SYT8: variants seen among roughly 807,000 people sequenced by gnomAD.
SYT8 encodes synaptotagmin-8.
A neutral mutation model predicts 34.9 loss-of-function variants in SYT8; 50 were observed. The ratio of observed to expected loss-of-function variants is 1.43; its 90% CI spans 1.14 to 1.81. The LOEUF (loss-of-function observed/expected upper bound fraction) is 1.81. SYT8 is among the 40% of genes most tolerant of loss of function. SYT8 has a pLI of 0.00. For missense variants in SYT8, 595 were observed against 529.0 expected, an observed-to-expected ratio of 1.12 and a Z score of -1.22; for synonymous variants, 255 against 234.2, an observed-to-expected ratio of 1.09 and a Z score of -0.81.
chr11:1,837,145 T>A, intron 7 of SYT8, 47 bp from the exon 8 acceptor site: 3 of 1,599,256 alleles, frequency 1.9e-6, no homozygotes, highest in Non-Finnish European at 2.6e-6. Context: ...CCACGATGAC[T>A]GTGGTCTTTC....
chr11:1,835,724 T>A (rs1378307370), intron 2 of SYT8, 162 bp from the exon 3 acceptor site: 1 of 774,742 alleles, frequency 1.3e-6, no homozygotes. Context: ...TGGGTGGGTT[T>A]GGCCGGTCTC....
At chr11:1,835,548 G>T in intron 2 of SYT8, 89 bp downstream of exon 2, 2 of 1,493,632 alleles carry the variant, frequency 1.3e-6, no homozygotes, top group African/African-American at 1.4e-5. Flanking sequence ...TTCAGCCCCA[G>T]GGATGGTTTA....
chr11:1,834,802 G>T, upstream of SYT8: 1 of 686,628 alleles, frequency 1.5e-6, no homozygotes, highest in East Asian at 2.7e-5. This position sits in a 1 kb window ranked among gnomAD's most constrained non-coding sequence, Gnocchi z 4.5. Flanking sequence ...GTCCGGTGAA[G>T]GCAGGGACTA....
At chr11:1,832,339 G>C (rs893708248), upstream of SYT8, among the ~76,000 whole-genome samples, 6 of 152,202 alleles carry the variant, frequency 3.9e-5, no homozygotes, top group African/African-American at 1.4e-4. Context: ...TAAGGAGCCC[G>C]CTGGAGCGGT....
chr11:1,834,686 AC>A (rs1565050201), upstream of SYT8: 7 of 1,440,596 alleles, frequency 4.9e-6, no homozygotes, highest in Non-Finnish European at 6.7e-6. The surrounding 1 kb of genome is among the most constrained non-coding windows in gnomAD (Gnocchi z 4.5). Context: ...ATGAGATGGG[AC>A]CCCCAGGCAG....
chr11:1,834,276 C>T (rs140679682), upstream of SYT8: 431 of 525,374 alleles, frequency 8.2e-4, 3 homozygotes, highest in African/African-American at 7.0e-3. This position sits in a 1 kb window ranked among gnomAD's most constrained non-coding sequence, Gnocchi z 4.5. Flanking sequence ...CAGCTGCGCC[C>T]GCCCCACCTT....
rs758788036 is a variant in SYT8, at chr11:1,836,762, C to A, written c.691C>A (p.Gln231Lys). ...LGPPAATQPE[Q>K]VGELCFSLRY... ...CCCCTCTTGCTGCCCACAGCCCGAG[C>A]AGGTCGGGGAGCTGTGCTTCTCTCT... The change falls in exon 6 of 8, where the codon CAG becomes AAG. Residue 231 changes from glutamine to lysine, a missense_variant. Gln to Lys is a moderately conservative substitution (Grantham distance 53, BLOSUM62 1). Transcript: ENST00000341958. 1 of 1,609,154 alleles carries A rather than the reference C, an allele frequency of 6.2e-7. No individual in the cohort carries two copies. Among genetic ancestry groups the A allele is most frequent in the Non-Finnish European group, 8.5e-7 (1 of 1,179,710 alleles).
In SYT8 at chr11:1,837,180, GTC is replaced by G; in HGVS notation, c.925-8_925-7del. 6.3e-7 allele frequency: 1 copy of G among 1,580,570 alleles called. No homozygotes were observed. Among genetic ancestry groups the G allele is most frequent in the South Asian group, 1.2e-5 (1 of 86,794 alleles). ...CTCCCCCAACTCCAACCTCTGGCCT[GTC>G]TCTGCACAGAATGTGGACCTGGTGC... On this transcript the variant is annotated splice_polypyrimidine_tract_variant and intron_variant, in intron 7 of 7. Transcript: ENST00000341958.
In SYT8 at chr11:1,836,227, G is replaced by C; in HGVS notation, c.459G>C (p.Glu153Asp). Residue 153 changes from glutamate to aspartate, a missense_variant, in exon 4 of 8, where the codon GAG (glutamate) becomes GAC (aspartate). Coordinates refer to ENST00000341958, the MANE Select transcript of SYT8 (RefSeq NM_001394072.1). ...CCACCCAGGCCGGACACAGACATGA[G>C]ACAAAAGTGCACCGAGGCACGCTCT... ...SVSTQAGHRH[E>D]TKVHRGTLCP... The C allele has an allele frequency of 6.3e-7, 1 of 1,595,146 alleles. No homozygotes were observed. The highest frequency in any genetic ancestry group is 1.7e-5 in the Admixed American group (1 of 57,512).
rs913377230 is a variant in SYT8 at position 1,837,496 on chromosome 11, A to G, written c.*65A>G. ...CTTGCCCAGGCCGCCCTGCAGGACC[A>G]CTGCAATAAACGCCTTCTCCTGCCA... On this transcript the variant is annotated 3_prime_UTR_variant, in exon 8 of 8. Transcript: ENST00000341958. 5.7e-6 allele frequency: 9 copies of G among 1,566,398 alleles called. No homozygotes were observed. Among genetic ancestry groups the G allele is most frequent in the Non-Finnish European group, 7.8e-6 (9 of 1,160,038 alleles).
In SYT8 at chr11:1,836,067, G is replaced by C. The variant is rs772889361; in HGVS notation, c.358-59G>C. 2.6e-6 allele frequency: 4 copies of C among 1,560,038 alleles called. 1 individual carries two copies. The South Asian group carries it at 3.6e-5, about 14-fold the overall frequency. On this transcript the variant is annotated intron_variant, in intron 3 of 7. Transcript: ENST00000341958. ...GGGGAAGGGCAGACCCCATGCCCTGGGTGGTGGGGAGCTGACAGGGCAGGG... is the reference window on the plus strand; with the variant it reads ...GGGGAAGGGCAGACCCCATGCCCTGCGTGGTGGGGAGCTGACAGGGCAGGG...
Position 1,836,440 on chromosome 11 carries a change from C to G in SYT8, c.532C>G (p.Leu178Val), listed in dbSNP as rs754779631. 5.4e-5 allele frequency: 86 copies of G among 1,578,032 alleles called. No individual in the cohort carries two copies. Among genetic ancestry groups the G allele is most frequent in the Non-Finnish European group, 7.3e-5 (85 of 1,163,924 alleles). The change falls in exon 5 of 8, where the codon CTG (leucine) becomes GTG (valine). Residue 178 changes from leucine (L) to valine (V), a missense_variant. Physicochemically the swap from Leu to Val is conservative, Grantham distance 32. Transcript: ENST00000341958. ...GCTGCCTCAGATCCCGCAGGCGGAGCTGCCAGGGGCCACCCTGCAGGTGCA... is the reference window on the plus strand; with the variant it reads ...GCTGCCTCAGATCCCGCAGGCGGAGGTGCCAGGGGCCACCCTGCAGGTGCA... ...TCCFHIPQAELPGATLQVQLF... is the reference protein window; with the variant it reads ...TCCFHIPQAEVPGATLQVQLF...
intron 4 of SYT8, 26 bp downstream of exon 4, chr11:1,836,310 G>A (rs368839375): frequency 2.6e-6 from 4 of 1,515,202 alleles, no homozygotes; most frequent in Non-Finnish European, 2.6e-6. Flanking sequence ...TCGGCTGGGT[G>A]GGCCTGGACG....
rs370212106 is a variant in SYT8, at chr11:1,836,511, G to A, written c.603G>A (p.Glu201=). 3 of 1,612,616 alleles carry A rather than the reference G, an allele frequency of 1.9e-6. No homozygotes were observed. Among genetic ancestry groups the A allele is most frequent in the Non-Finnish European group, 2.5e-6 (3 of 1,179,916 alleles). Residue 201 remains glutamate, a synonymous_variant, in exon 5 of 8, where the codon GAG becomes GAA. Transcript: ENST00000341958. ...KRFSGHEPLG[E]LRLPLGTVDL... is the part of the protein sequence containing the mutation. Reference sequence around the variant, plus strand: ...TCTCGGGGCATGAGCCCCTGGGTGAGCTCCGTCTGCCACTGGGCACCGTGG... The same window carrying A: ...TCTCGGGGCATGAGCCCCTGGGTGAACTCCGTCTGCCACTGGGCACCGTGG...
chr11:1,836,752 A>G lies in SYT8; in HGVS notation c.685-4A>G. 2.1e-5 allele frequency: 33 copies of G among 1,608,200 alleles called. No individual in the cohort carries two copies. Among genetic ancestry groups the G allele is most frequent in the Non-Finnish European group, 2.8e-5 (33 of 1,179,406 alleles). The stretch of plus-strand genomic sequence containing the variant: ...CGGGCTGAAGCCCCTCTTGCTGCCC[A>G]CAGCCCGAGCAGGTCGGGGAGCTGT... On this transcript the variant is annotated splice_region_variant and splice_polypyrimidine_tract_variant and intron_variant, in intron 5 of 7. Coordinates refer to ENST00000341958, the MANE Select transcript of SYT8 (RefSeq NM_001394072.1).
chr11:1,835,112 C>T lies in SYT8; in HGVS notation c.7C>T (p.His3Tyr), dbSNP rs564263094. 1 of 1,613,134 alleles carries T rather than the reference C, an allele frequency of 6.2e-7. No individual in the cohort carries two copies. The highest frequency in any genetic ancestry group is 1.1e-5 in the South Asian group (1 of 91,072). Residue 3 changes from histidine to tyrosine, a missense_variant, in exon 1 of 8, where the codon CAC (histidine) becomes TAC (tyrosine). Physicochemically the swap from His to Tyr is moderately conservative, Grantham distance 83. Coordinates refer to ENST00000341958, the MANE Select transcript of SYT8 (RefSeq NM_001394072.1). ...AAACCAGCAGGGTAGAAAGATGGGG[C>T]ACCCACCAGTCTCTCCCAGTGCCCC... MG[H>Y]PPVSPSAPAP...
chr11:1,836,710 G>A (rs752845429), intron 5 of SYT8, 46 bp from the exon 6 acceptor site: 42 of 1,598,538 alleles, frequency 2.6e-5, no homozygotes, highest in East Asian at 6.7e-5. Context: ...GCCCCAACTC[G>A]GCCAGAATCA....
rs757464882 is a variant in SYT8 at position 1,836,748 on chromosome 11, G to A, written c.685-8G>A. The stretch of plus-strand genomic sequence containing the variant: ...CTCCCGGGCTGAAGCCCCTCTTGCT[G>A]CCCACAGCCCGAGCAGGTCGGGGAG... On this transcript the variant is annotated splice_region_variant and splice_polypyrimidine_tract_variant and intron_variant, in intron 5 of 7. Coordinates refer to ENST00000341958, the MANE Select transcript of SYT8 (RefSeq NM_001394072.1). 3.1e-6 allele frequency: 5 copies of A among 1,607,768 alleles called. No homozygotes were observed. Among genetic ancestry groups the A allele is most frequent in the Non-Finnish European group, 4.2e-6 (5 of 1,179,320 alleles).
chr11:1,835,230 G>A (rs774620715), intron 1 of SYT8, 31 bp downstream of exon 1: 60 of 1,609,914 alleles, frequency 3.7e-5, no homozygotes, highest in Admixed American at 8.4e-5. Context: ...GAGGGGTGTG[G>A]GGATAACCCA....
Sources: allele counts gnomAD v4.1 joint callset (sites outside exome capture counted in the v4.1 genomes callset), GRCh38; gene constraint gnomAD v4.1.1; non-coding constraint Gnocchi (gnomAD v3.1); transcripts MANE v1.5; gene names NCBI Gene and HGNC (gene_info 2026-07-23, HGNC 2026-07-21).